The following TMEM45B variants were observed in gnomAD, a reference collection of about 807,000 sequenced individuals.
TMEM45B encodes the protein transmembrane protein 45B.
TMEM45B carries 29 observed loss-of-function variants against 27.3 expected under a neutral mutation model. The ratio of observed to expected loss-of-function variants is 1.06; its 90% confidence interval spans 0.79 to 1.45. TMEM45B has a LOEUF of 1.45. Among genes scored for constraint, TMEM45B ranks in the 40% most tolerant of loss-of-function variants. TMEM45B has a pLI of 0.00. For synonymous variants in TMEM45B, 143 were observed against 134.7 expected, an observed-to-expected ratio of 1.06 and a Z score of -0.43; for missense variants, 348 against 343.9, an observed-to-expected ratio of 1.01 and a Z score of -0.09.
intron 1 of TMEM45B, among the ~76,000 whole-genome samples, chr11:129,826,092 T>C (rs887444915): frequency 3.0e-4 from 45 of 151,984 alleles, no homozygotes; most frequent in African/African-American, 1.0e-3. Context: ...TGCTTCTTTG[T>C]AGGTAATAGC....
intron 2 of TMEM45B, 78 bp from the exon 3 acceptor site, chr11:129,854,532 G>C: frequency 1.4e-6 from 2 of 1,462,224 alleles, no homozygotes; most frequent in South Asian, 1.2e-5. Context: ...CTTCGCTCAT[G>C]CCTTTGGGTT....
At chr11:129,820,849 T>C (rs1947410638) in intron 1 of TMEM45B, among the ~76,000 whole-genome samples, 1 of 152,174 alleles carries the variant, frequency 6.6e-6, no homozygotes. Flanking sequence ...CTAGCGGCAA[T>C]TACTTTCAAT....
chr11:129,854,517 C>A, intron 2 of TMEM45B, 93 bp from the exon 3 acceptor site: 1 of 1,323,542 alleles, frequency 7.6e-7, no homozygotes, highest in Non-Finnish European at 1.1e-6. Flanking sequence ...CTCACCCCAT[C>A]TCCGCTTCGC....
chr11:129,819,480 A>G (rs1165778352), intron 1 of TMEM45B, among the ~76,000 whole-genome samples: 2 of 152,136 alleles, frequency 1.3e-5, no homozygotes, highest in African/African-American at 4.8e-5. Flanking sequence ...TTGCAGCAGA[A>G]AGACGGGCAG....
chr11:129,838,071 C>T (rs529388031), intron 1 of TMEM45B, among the ~76,000 whole-genome samples: 3 of 152,076 alleles, frequency 2.0e-5, no homozygotes, highest in East Asian at 1.9e-4. Context: ...CGTGAGCCAC[C>T]GCGTGCAGCC....
intron 3 of TMEM45B, 124 bp from the exon 4 acceptor site, chr11:129,855,584 C>T: frequency 1.2e-6 from 1 of 864,064 alleles, no homozygotes; most frequent in South Asian, 1.6e-5. Flanking sequence ...CTGTTTGCTG[C>T]CTGTAATGTT....
intron 1 of TMEM45B, among the ~76,000 whole-genome samples, chr11:129,845,728 C>T (rs1947752706): frequency 6.6e-6 from 1 of 152,068 alleles, no homozygotes. Context: ...AATAAAAAGG[C>T]AGAGATTGTC....
intron 1 of TMEM45B, among the ~76,000 whole-genome samples, chr11:129,845,271 ATGTGTGTG>A (rs10537485): frequency 2.1e-5 from 3 of 140,328 alleles, no homozygotes; most frequent in South Asian, 2.3e-4. Flanking sequence ...GTGTGTGTGT[ATGTGTGTG>A]TGTGTGTGTG....
At chr11:129,846,484 T>TA (rs1295511692) in intron 1 of TMEM45B, among the ~76,000 whole-genome samples, 1 of 151,240 alleles carries the variant, frequency 6.6e-6, no homozygotes, top group Non-Finnish European at 1.5e-5. Flanking sequence ...AAAAAAGTGT[T>TA]AGAGAAAACA....
rs1947911028 is a variant in TMEM45B at position 129,855,628 on chromosome 11, C to T, written c.386-80C>T. The stretch of plus-strand genomic sequence containing the variant: ...ACTGCCTAAATGCTGAAGAACCTAG[C>T]TGAGACAGGTGTAGGAGGAAACTTC... On this transcript the variant is annotated intron_variant, in intron 3 of 5. Coordinates refer to ENST00000281441, the MANE Select transcript of TMEM45B (RefSeq NM_138788.5). The T allele has an allele frequency of 4.1e-6, 6 of 1,467,834 alleles. No individual in the cohort carries two copies. The Admixed American group carries it at 8.6e-5, about 21-fold the overall frequency. The allele number at this position is 1,467,834 out of a possible 1,614,324, so 90.9% of individuals were successfully genotyped here.
At chr11:129,817,568 T>G (rs1257120690) in intron 1 of TMEM45B, among the ~76,000 whole-genome samples, 1 of 152,206 alleles carries the variant, frequency 6.6e-6, no homozygotes, top group African/African-American at 2.4e-5. Context: ...ATTTCCTTCT[T>G]TTTAAAGAGC....
At chr11:129,848,185 T>C (rs1220042867) in intron 1 of TMEM45B, among the ~76,000 whole-genome samples, 1 of 151,154 alleles carries the variant, frequency 6.6e-6, no homozygotes, top group Admixed American at 6.6e-5. Context: ...GTGGAGGTTG[T>C]AGCCGAGATC....
At chr11:129,827,955 G>A (rs974174465) in intron 1 of TMEM45B, among the ~76,000 whole-genome samples, 19 of 152,134 alleles carry the variant, frequency 1.2e-4, no homozygotes, top group Non-Finnish European at 2.2e-4. Flanking sequence ...GGGCAATAGA[G>A]TGAGACCTTG....
chr11:129,818,248 A>G (rs538542079), intron 1 of TMEM45B, among the ~76,000 whole-genome samples: 1 of 152,340 alleles, frequency 6.6e-6, no homozygotes, highest in East Asian at 1.9e-4. Flanking sequence ...CTCTTGTGTA[A>G]AACTTAAATG....
Position 129,858,684 on chromosome 11 carries a change from G to A in TMEM45B, c.827G>A (p.Ter276=), listed in dbSNP as rs1947965904. 2 of 1,555,902 alleles carry A rather than the reference G, an allele frequency of 1.3e-6. No homozygotes were observed. Among genetic ancestry groups the A allele is most frequent in the Admixed American group, 1.9e-5 (1 of 51,356 alleles). Residue 276 remains the stop codon, a stop_retained_variant, in exon 6 of 6, where the codon TGA becomes TAA. Transcript: ENST00000281441. ...TALLSGSDEE[*] ...CTCTTGAGTGGCTCAGATGAGGAATGAGCCGAGATGCGGAGGGCGCAGATG... is the reference window on the plus strand; with the variant it reads ...CTCTTGAGTGGCTCAGATGAGGAATAAGCCGAGATGCGGAGGGCGCAGATG...
At chr11:129,843,434 T>A (rs1947720440) in intron 1 of TMEM45B, among the ~76,000 whole-genome samples, 1 of 152,252 alleles carries the variant, frequency 6.6e-6, no homozygotes, top group Non-Finnish European at 1.5e-5. Flanking sequence ...ATGTATACAA[T>A]GCCAATTGAT....
At chr11:129,838,277 C>T (rs1386217714) in intron 1 of TMEM45B, among the ~76,000 whole-genome samples, 1 of 152,046 alleles carries the variant, frequency 6.6e-6, no homozygotes, top group East Asian at 1.9e-4. Context: ...GGTTGTGGGG[C>T]CATCCTGTGC....
chr11:129,833,237 C>T (rs1947573978), intron 1 of TMEM45B, among the ~76,000 whole-genome samples: 1 of 136,688 alleles, frequency 7.3e-6, no homozygotes, highest in African/African-American at 2.6e-5. Context: ...GAGACTCTGT[C>T]TCAAAAAATA....
intron 1 of TMEM45B, among the ~76,000 whole-genome samples, chr11:129,825,163 A>G (rs7122272): frequency 0.26 from 39,828 of 152,072 alleles, 5,647 homozygotes; most frequent in South Asian, 0.36. Context: ...GAGGCCTCGC[A>G]GTGTTTAGGA....
Sources: gnomAD v4.1 joint callset for allele counts (sites outside exome capture counted in the v4.1 genomes callset) on GRCh38, gnomAD v4.1.1 for gene constraint, MANE v1.5 for transcripts, NCBI Gene and HGNC (gene_info 2026-07-23, HGNC 2026-07-21) for gene names.